Variants in ZNF407 observed in about 807,000 individuals in gnomAD.
ZNF407 encodes zinc finger protein 407.
A neutral mutation model predicts 131.2 loss-of-function variants in ZNF407; 17 were observed. The observed-to-expected ratio is 0.13, with a 90% CI of 0.09 to 0.19. The LOEUF is 0.19. Ranked by LOEUF, ZNF407 falls within the 10% of genes least tolerant of loss-of-function variation. The pLI is 1.00. For synonymous variants in ZNF407, 1,156 were observed against 1,062.0 expected (o/e 1.09, Z -1.72); for missense variants, 2,681 against 2,830.6 (o/e 0.95, Z 1.20).
Position 74,703,363 on chromosome 18 carries a change from G to GTC in ZNF407, c.4802+62255_4802+62256dup, listed in dbSNP as rs150401614. 3.3e-5 allele frequency among the ~76,000 whole-genome samples: 5 copies of GTC among 151,342 alleles called. No homozygotes were observed. The highest frequency in any genetic ancestry group is 2.1e-4 in the South Asian group (1 of 4,776). ...TCTCCCCATGTGTGTCTCTGTCTCT[G>GTC]TCTCTCTCTCTCTCTTTTCTGAGAT... On this transcript the variant is annotated intron_variant, in intron 3 of 8. Transcript: ENST00000299687. This position sits in a 1 kb window ranked among gnomAD's most constrained non-coding sequence, Gnocchi z 4.1.
At chr18:75,001,213 A>G (rs1972841840) in intron 8 of ZNF407, among the ~76,000 whole-genome samples, 1 of 152,184 alleles carries the variant, frequency 6.6e-6, no homozygotes, top group Non-Finnish European at 1.5e-5. Context: ...TGAAGTGCCG[A>G]CTGTAACAAT....
intron 4 of ZNF407, among the ~76,000 whole-genome samples, chr18:74,801,925 A>G (rs995570217): frequency 3.9e-5 from 6 of 152,238 alleles, no homozygotes; most frequent in Non-Finnish European, 8.8e-5. Context: ...TGACCTTGCT[A>G]GAAGAAAGTG....
At chr18:74,787,287 A>G (rs4091766) in intron 4 of ZNF407, among the ~76,000 whole-genome samples, 146,214 of 152,262 alleles carry the variant, frequency 0.96, 70,479 homozygotes, top group East Asian at 1. Flanking sequence ...TAGGAGATAC[A>G]CCCTCATGTT....
intron 8 of ZNF407, among the ~76,000 whole-genome samples, chr18:74,945,868 A>G (rs1972148304): frequency 6.6e-6 from 1 of 152,118 alleles, no homozygotes; most frequent in Non-Finnish European, 1.5e-5. Flanking sequence ...TTTCAGTACA[A>G]CCTGGTTTTT....
At chr18:74,833,993 T>C (rs1970521568) in intron 4 of ZNF407, among the ~76,000 whole-genome samples, 1 of 152,236 alleles carries the variant, frequency 6.6e-6, no homozygotes, top group Non-Finnish European at 1.5e-5. Context: ...TGAGTTTACA[T>C]GGATCAGAAC....
At chr18:74,598,315 G>A (rs1265732952) in intron 1 of ZNF407, 1 of 152,294 alleles carries the variant, frequency 6.6e-6, no homozygotes, top group Admixed American at 6.5e-5. Flanking sequence ...TCGGGGCTGC[G>A]GACCTAGCGT....
chr18:74,824,070 A>T (rs1458800761), intron 4 of ZNF407, among the ~76,000 whole-genome samples: 1 of 152,190 alleles, frequency 6.6e-6, no homozygotes, highest in East Asian at 1.9e-4. Context: ...ACTTAAAACC[A>T]CACAACTACA....
chr18:74,765,756 G>C (rs905271981), intron 3 of ZNF407, among the ~76,000 whole-genome samples: 9 of 152,254 alleles, frequency 5.9e-5, no homozygotes, highest in African/African-American at 2.2e-4. Flanking sequence ...CCAGCTGCCT[G>C]GCCTCCCTGT....
chr18:74,836,884 A>C (rs559947502), intron 4 of ZNF407, among the ~76,000 whole-genome samples: 15 of 152,166 alleles, frequency 9.9e-5, no homozygotes, highest in Admixed American at 3.9e-4. Context: ...GTTCCTCTGC[A>C]TGGATCACCC....
chr18:74,921,000 A>T (rs2145242435), intron 8 of ZNF407: 1 of 1,057,874 alleles, frequency 9.5e-7, no homozygotes, highest in Non-Finnish European at 1.1e-6. Context: ...AAATCTTCAT[A>T]TGTTGACTAA....
At chr18:74,898,136 G>T (rs778750414) in intron 7 of ZNF407, 10 of 152,208 alleles carry the variant, frequency 6.6e-5, no homozygotes, top group Non-Finnish European at 1.2e-4. Context: ...TTATGAAGCA[G>T]AGGAAGACAG....
At chr18:74,975,791 G>T (rs1231457750) in intron 8 of ZNF407, among the ~76,000 whole-genome samples, 1 of 152,134 alleles carries the variant, frequency 6.6e-6, no homozygotes, top group Non-Finnish European at 1.5e-5. Flanking sequence ...TACAGTATCT[G>T]TTTTAGTAAG....
At chr18:75,015,581 C>CATAT (rs34475257) in intron 8 of ZNF407, among the ~76,000 whole-genome samples, 44 of 145,090 alleles carry the variant, frequency 3.0e-4, no homozygotes, top group South Asian at 8.6e-4. Context: ...TATATATTTA[C>CATAT]ATATATATAT....
chr18:74,989,530 A>G (rs1972693416), intron 8 of ZNF407, among the ~76,000 whole-genome samples: 1 of 152,226 alleles, frequency 6.6e-6, no homozygotes, highest in African/African-American at 2.4e-5. Flanking sequence ...CTATGAACTT[A>G]GCATTTTAGA....
intron 8 of ZNF407, among the ~76,000 whole-genome samples, chr18:74,938,796 A>G (rs943666471): frequency 5.3e-5 from 8 of 152,242 alleles, no homozygotes; most frequent in Admixed American, 5.2e-4. Flanking sequence ...AAGAAGGACC[A>G]TCAGGATAGT....
intron 3 of ZNF407, among the ~76,000 whole-genome samples, chr18:74,663,262 C>G (rs1484121960): frequency 6.6e-6 from 1 of 152,026 alleles, no homozygotes; most frequent in Admixed American, 6.6e-5. Flanking sequence ...TTATGTGTAC[C>G]ACATCTAAAA....
At chr18:74,654,167 A>G (rs1171919802) in intron 3 of ZNF407, among the ~76,000 whole-genome samples, 1 of 151,834 alleles carries the variant, frequency 6.6e-6, no homozygotes, top group Non-Finnish European at 1.5e-5. Context: ...TTATTGAAGG[A>G]CCATTTGAGG....
chr18:74,607,171 A>G (rs1378154122), intron 1 of ZNF407, among the ~76,000 whole-genome samples: 1 of 152,126 alleles, frequency 6.6e-6, no homozygotes, highest in Non-Finnish European at 1.5e-5. Flanking sequence ...CTCAATCCTA[A>G]TGTGTATCGG....
chr18:74,809,931 G>A (rs1970170321), intron 4 of ZNF407, among the ~76,000 whole-genome samples: 1 of 152,202 alleles, frequency 6.6e-6, no homozygotes, highest in Non-Finnish European at 1.5e-5. Context: ...AGGATGGATT[G>A]TATGTGAGAT....
Sources: allele counts gnomAD v4.1 joint callset (sites outside exome capture counted in the v4.1 genomes callset), GRCh38; gene constraint gnomAD v4.1.1; non-coding constraint Gnocchi (gnomAD v3.1); transcripts MANE v1.5; gene names NCBI Gene and HGNC (gene_info 2026-07-23, HGNC 2026-07-21).